Variants in EDEM1 observed in about 807,000 individuals in gnomAD.
EDEM1 encodes the protein ER degradation-enhancing alpha-mannosidase-like protein 1.
A neutral mutation model predicts 74.4 loss-of-function variants in EDEM1; 67 were observed. The observed-to-expected ratio is 0.90, with a 90% CI of 0.74 to 1.10. The LOEUF (loss-of-function observed/expected upper bound fraction) is 1.10, where lower values mean the gene tolerates loss of function less well. Ranked by LOEUF, EDEM1 falls within the 50% of genes least tolerant of loss-of-function variation. The pLI, the probability that EDEM1 is intolerant of heterozygous loss-of-function variation, is 0.00. For synonymous variants in EDEM1, 382 were observed against 335.9 expected (o/e 1.14, Z -1.50); for missense variants, 926 against 851.6 (o/e 1.09, Z -1.09).
chr3:5,216,032 A>G lies in EDEM1; in HGVS notation c.*114A>G, dbSNP rs2055230830. The stretch of plus-strand genomic sequence containing the variant: ...GAAGTCTTGCTGTCCATGGTGGTGT[A>G]GGAATTTCTGTGCAACACCTCACCA... On this transcript the variant is annotated 3_prime_UTR_variant, in exon 12 of 12. Transcript: ENST00000256497. The G allele has an allele frequency of 3.6e-6, 3 of 844,836 alleles. No individual in the cohort carries two copies. The highest frequency in any genetic ancestry group is 5.6e-6 in the Non-Finnish European group (3 of 535,348). The allele number at this position is 844,836 out of a possible 1,614,324, so 52.3% of individuals were successfully genotyped here.
intron 1 of EDEM1, 179 bp downstream of exon 1, chr3:5,188,493 G>A (rs973027449): frequency 3.2e-6 from 2 of 629,984 alleles, no homozygotes; most frequent in African/African-American, 3.8e-5. Flanking sequence ...GCTTGAGGGT[G>A]CGGGGTGGGC....
intron 1 of EDEM1, among the ~76,000 whole-genome samples, chr3:5,192,920 AT>A (rs201219399): frequency 0.01 from 1,446 of 143,592 alleles, 3 homozygotes; most frequent in Middle Eastern, 0.026. Context: ...ACTGCAAGTA[AT>A]TTTTTTTTTT....
Position 5,188,166 on chromosome 3 carries a change from G to A in EDEM1, c.361G>A (p.Ala121Thr). ...CGAGTACGAGAAGCGCTACAGCGGC[G>A]CCTTCCCTCCGCAGCTGCGTGCCCA... ...PDEYEKRYSG[A>T]FPPQLRAQMR... The change falls in exon 1 of 12, where the codon GCC becomes ACC. Residue 121 changes from alanine to threonine, a missense_variant. Coordinates refer to ENST00000256497, the MANE Select transcript of EDEM1 (RefSeq NM_014674.3). 7.1e-6 allele frequency: 11 copies of A among 1,551,970 alleles called. No homozygotes were observed. The highest frequency in any genetic ancestry group is 8.7e-6 in the Non-Finnish European group (10 of 1,150,248).
At position 5,219,231 on chromosome 3, in the gene EDEM1, G is replaced by C. The variant is rs1036263498; in HGVS notation, c.*3313G>C. On this transcript the variant is annotated 3_prime_UTR_variant, in exon 12 of 12. Transcript: ENST00000256497. ...CCTTTCTGCTTTCTGGAGGGCACCA[G>C]GGGCCTTTCTCTTTGATAAATTTTT... 1 of 152,202 alleles carries C rather than the reference G, an allele frequency of 6.6e-6. No individual in the cohort carries two copies. Among genetic ancestry groups the C allele is most frequent in the African/African-American group, 2.4e-5 (1 of 41,452 alleles). The allele number at this position is 152,202 out of a possible 1,614,324, so 9.4% of individuals were successfully genotyped here.
chr3:5,203,395 A>G (rs898479846), intron 5 of EDEM1, among the ~76,000 whole-genome samples: 1 of 152,194 alleles, frequency 6.6e-6, no homozygotes, highest in African/African-American at 2.4e-5. Flanking sequence ...ATTCCACTTG[A>G]AAATTATTGT....
At chr3:5,211,430 A>AGGG (rs1351878976) in intron 10 of EDEM1, 3 of 511,566 alleles carry the variant, frequency 5.9e-6, no homozygotes, top group Admixed American at 3.1e-5. Flanking sequence ...TAAACCAAGA[A>AGGG]CTGAACTTAT....
intron 6 of EDEM1, among the ~76,000 whole-genome samples, chr3:5,206,511 A>T (rs1412333750): frequency 6.6e-6 from 1 of 151,992 alleles, no homozygotes; most frequent in Non-Finnish European, 1.5e-5. Context: ...TGGCCCCCAG[A>T]TCTTTCTTTG....
intron 1 of EDEM1, among the ~76,000 whole-genome samples, chr3:5,193,958 AACTG>A (rs1404151339): frequency 6.6e-6 from 1 of 152,266 alleles, no homozygotes; most frequent in African/African-American, 2.4e-5. Flanking sequence ...AAAACAAGGC[AACTG>A]GAGGGTTCAA....
intron 6 of EDEM1, among the ~76,000 whole-genome samples, chr3:5,206,092 G>C (rs192025835): frequency 1.3e-5 from 2 of 151,924 alleles, no homozygotes; most frequent in Admixed American, 1.3e-4. Flanking sequence ...TTTTCTCTCT[G>C]AGTTTGTTTA....
At position 5,217,802 on chromosome 3, in the gene EDEM1, C is replaced by T. The variant is rs1359355153; in HGVS notation, c.*1884C>T. The T allele has an allele frequency of 6.6e-6, 1 of 152,152 alleles. No homozygotes were observed. The highest frequency in any genetic ancestry group is 2.4e-5 in the African/African-American group (1 of 41,420). 9.4% of individuals were successfully genotyped at this position (152,152 alleles called of 1,614,324 possible). A position where few individuals can be genotyped will look rare whatever the true frequency, so the allele number is the denominator to read the frequency against. On this transcript the variant is annotated 3_prime_UTR_variant, in exon 12 of 12. Coordinates refer to ENST00000256497, the MANE Select transcript of EDEM1 (RefSeq NM_014674.3). ...ACTCATTGAAAATGTTAATTACACA[C>T]ACATGCATGCATGCACACACGAGCA...
At chr3:5,208,774 C>A (rs1326755283) in intron 8 of EDEM1, among the ~76,000 whole-genome samples, 1 of 148,792 alleles carries the variant, frequency 6.7e-6, no homozygotes, top group Non-Finnish European at 1.5e-5. Context: ...TATATATACA[C>A]ACACACACAC....
chr3:5,201,476 T>C (rs1003074840), intron 3 of EDEM1, among the ~76,000 whole-genome samples: 1 of 152,194 alleles, frequency 6.6e-6, no homozygotes, highest in African/African-American at 2.4e-5. Flanking sequence ...TGCCCTAAGA[T>C]TTAGATTACC....
In EDEM1 at chr3:5,190,371, T is replaced by C. The variant is rs113131693; in HGVS notation, c.509+2057T>C. Among the ~76,000 whole-genome samples, 286 of 152,390 alleles carry C rather than the reference T, an allele frequency of 1.9e-3. 1 individual carries two copies. Among genetic ancestry groups the C allele is most frequent in the African/African-American group, 6.6e-3 (276 of 41,600 alleles). On this transcript the variant is annotated intron_variant, in intron 1 of 11. Coordinates refer to ENST00000256497, the MANE Select transcript of EDEM1 (RefSeq NM_014674.3). ...AAAACAGTTTAACGGGGAATTGTGATAACACTTTCATTTGAGAATATGACG... is the reference window on the plus strand; with the variant it reads ...AAAACAGTTTAACGGGGAATTGTGACAACACTTTCATTTGAGAATATGACG...
chr3:5,196,325 C>T (rs1265599509), intron 2 of EDEM1, among the ~76,000 whole-genome samples: 8 of 152,058 alleles, frequency 5.3e-5, no homozygotes, highest in Admixed American at 3.9e-4. Flanking sequence ...GGCATGGTGG[C>T]GGGCGCCTGT....
chr3:5,193,424 A>C (rs1422141833), intron 1 of EDEM1, among the ~76,000 whole-genome samples: 1 of 152,032 alleles, frequency 6.6e-6, no homozygotes, highest in East Asian at 1.9e-4. Context: ...TCTTGCTTTG[A>C]GGGGACCTTT....
chr3:5,194,907 G>A (rs2054945396), intron 1 of EDEM1, among the ~76,000 whole-genome samples: 1 of 152,206 alleles, frequency 6.6e-6, no homozygotes, highest in Non-Finnish European at 1.5e-5. Context: ...CAAGGAGATT[G>A]TCTATGGTGA....
rs145020416 is a variant in EDEM1, at chr3:5,202,737, T to C, written c.859-229T>C. Among the ~76,000 whole-genome samples the C allele has an allele frequency of 5.8e-3, 880 of 152,362 alleles. 8 individuals carry two copies. The highest frequency in any genetic ancestry group is 0.02 in the African/African-American group (814 of 41,584). ...TTAGTGAAGTGTTATAGCCATTCCC[T>C]GAAGACTTGCTCTTATTAATAAAGC... On this transcript the variant is annotated intron_variant, in intron 4 of 11. Coordinates refer to ENST00000256497, the MANE Select transcript of EDEM1 (RefSeq NM_014674.3).
rs777421546 is a variant in EDEM1, at chr3:5,217,919, C to A, written c.*2001C>A. The A allele has an allele frequency of 6.6e-6, 1 of 152,204 alleles. No individual in the cohort carries two copies. The highest frequency in any genetic ancestry group is 1.5e-5 in the Non-Finnish European group (1 of 68,048). The allele number at this position is 152,204 out of a possible 1,614,324, so 9.4% of individuals were successfully genotyped here. On this transcript the variant is annotated 3_prime_UTR_variant, in exon 12 of 12. Transcript: ENST00000256497. ...TCTCAGAGAAGGAGGTGAGTTCTTC[C>A]TGCCTGTGATTTCTCTTGGCGCTCC...
chr3:5,187,749 G>T lies in EDEM1; in HGVS notation c.-57G>T. On this transcript the variant is annotated 5_prime_UTR_variant, in exon 1 of 12. Transcript: ENST00000256497. ...GGCTACGGGGCGAGCGCGGGGTGCG[G>T]TGGTCGGCGGGGAGGCCCCCGCGCT... The T allele has an allele frequency of 6.9e-7, 1 of 1,458,054 alleles. No individual in the cohort carries two copies. 90.3% of individuals were successfully genotyped at this position (1,458,054 alleles called of 1,614,324 possible).
Sources: allele counts gnomAD v4.1 joint callset (sites outside exome capture counted in the v4.1 genomes callset), GRCh38; gene constraint gnomAD v4.1.1; transcripts MANE v1.5; gene names NCBI Gene and HGNC (gene_info 2026-07-23, HGNC 2026-07-21).